Variants in ATRNL1 observed in about 807,000 individuals in gnomAD.
ATRNL1 encodes attractin-like protein 1.
In ATRNL1, 95 loss-of-function variants were observed where a neutral mutation model predicts 182.7. The observed-to-expected ratio is 0.52, with a 90% CI of 0.44 to 0.62. The LOEUF (loss-of-function observed/expected upper bound fraction) is 0.62, where lower values mean the gene tolerates loss of function less well. Ranked by LOEUF, ATRNL1 falls within the 20% of genes least tolerant of loss-of-function variation. The pLI is 0.00. For synonymous variants in ATRNL1, 576 were observed against 568.3 expected (o/e 1.01, Z -0.19); for missense variants, 1,471 against 1,679.5 (o/e 0.88, Z 2.17).
At chr10:115,547,312 A>G (rs1264917415) in intron 25 of ATRNL1, among the ~76,000 whole-genome samples, 3 of 151,282 alleles carry the variant, frequency 2.0e-5, no homozygotes, top group South Asian at 4.2e-4. Context: ...TGAATTAACT[A>G]GAAAGAGAAT....
chr10:115,592,611 G>C (rs1330772966), intron 26 of ATRNL1, among the ~76,000 whole-genome samples: 3 of 152,184 alleles, frequency 2.0e-5, no homozygotes, highest in African/African-American at 7.2e-5. Flanking sequence ...TTTCATGTAA[G>C]TGAACTCATA....
At chr10:115,779,150 G>A (rs534192447) in intron 27 of ATRNL1, among the ~76,000 whole-genome samples, 34 of 152,298 alleles carry the variant, frequency 2.2e-4, no homozygotes, top group African/African-American at 8.2e-4. Flanking sequence ...ACTTAAAGAA[G>A]CTTCAGAAAT....
intron 15 of ATRNL1, among the ~76,000 whole-genome samples, chr10:115,292,318 A>G (rs1852956211): frequency 6.6e-6 from 1 of 151,626 alleles, no homozygotes; most frequent in Non-Finnish European, 1.5e-5. Context: ...TGTGTCATTG[A>G]TCTTCTGTAT....
Position 115,421,171 on chromosome 10 carries a change from G to C in ATRNL1, c.3270-5079G>C, listed in dbSNP as rs1001239094. On this transcript the variant is annotated intron_variant, in intron 20 of 28. Coordinates refer to ENST00000355044, the MANE Select transcript of ATRNL1 (RefSeq NM_207303.4). ...AACTATTCCAAAAAATTGAAGTAGAGGGCATTCTTCCAAACTCATTCTATG... is the reference window on the plus strand; with the variant it reads ...AACTATTCCAAAAAATTGAAGTAGACGGCATTCTTCCAAACTCATTCTATG... Among the ~76,000 whole-genome samples the C allele has an allele frequency of 4.6e-5, 7 of 152,104 alleles. No homozygotes were observed. The East Asian group carries it at 5.8e-4, about 13-fold the overall frequency.
rs1946107143 is a variant in ATRNL1 at position 115,683,231 on chromosome 10, TA to T, written c.3796-44016del. On this transcript the variant is annotated intron_variant, in intron 26 of 28. Coordinates refer to ENST00000355044, the MANE Select transcript of ATRNL1 (RefSeq NM_207303.4). The stretch of plus-strand genomic sequence containing the variant: ...TTCCATATTAAAATATCTTTTCAAT[TA>T]TTTCATGGAATTCTGGACCAACAGA... 4.6e-5 allele frequency among the ~76,000 whole-genome samples: 7 copies of T among 152,206 alleles called. No individual in the cohort carries two copies. The South Asian group carries it at 1.5e-3, about 32-fold the overall frequency.
chr10:115,220,866 A>G (rs556783114), intron 9 of ATRNL1, among the ~76,000 whole-genome samples: 1 of 152,248 alleles, frequency 6.6e-6, no homozygotes, highest in South Asian at 2.1e-4. Flanking sequence ...TACCAGATGC[A>G]GCTTAATTAT....
At position 115,645,260 on chromosome 10, in the gene ATRNL1, T is replaced by C. The variant is rs539673713; in HGVS notation, c.3796-81988T>C. Among the ~76,000 whole-genome samples the C allele has an allele frequency of 1.6e-4, 24 of 148,268 alleles. 1 individual carries two copies. In the South Asian group the frequency reaches 5.0e-3, roughly 31 times the overall value. Reference sequence around the variant, plus strand: ...AATGGGAAACTGTATGGGATACTTCTGTTTAAGCCCATAACTCATTTTTTT... The same window carrying C: ...AATGGGAAACTGTATGGGATACTTCCGTTTAAGCCCATAACTCATTTTTTT... On this transcript the variant is annotated intron_variant, in intron 26 of 28. Transcript: ENST00000355044.
At chr10:115,341,041 ATCTT>A (rs1381451502) in intron 19 of ATRNL1, among the ~76,000 whole-genome samples, 1 of 150,562 alleles carries the variant, frequency 6.6e-6, no homozygotes, top group African/African-American at 2.4e-5. Flanking sequence ...TTCTGCTTTG[ATCTT>A]TCTTATTTTC....
intron 28 of ATRNL1, among the ~76,000 whole-genome samples, chr10:115,867,733 T>TTTC (rs1555105086): frequency 6.9e-6 from 1 of 144,082 alleles, no homozygotes; most frequent in East Asian, 2.0e-4. Flanking sequence ...CCTGTGAATT[T>TTTC]TTTTTTTTTT....
intron 27 of ATRNL1, among the ~76,000 whole-genome samples, chr10:115,761,798 A>G (rs1555073687): frequency 6.6e-6 from 1 of 152,166 alleles, no homozygotes; most frequent in Non-Finnish European, 1.5e-5. Context: ...CCTTAAATAA[A>G]ATCAGGCACA....
At chr10:115,801,786 C>T (rs1198084807) in intron 27 of ATRNL1, among the ~76,000 whole-genome samples, 2 of 151,970 alleles carry the variant, frequency 1.3e-5, no homozygotes, top group African/African-American at 2.4e-5. Flanking sequence ...TTTTCTTGTC[C>T]CTTTCAGAAA....
chr10:115,234,598 T>C (rs570475679), intron 9 of ATRNL1, among the ~76,000 whole-genome samples: 13 of 140,382 alleles, frequency 9.3e-5, no homozygotes, highest in African/African-American at 1.3e-4. Context: ...TTTTCTTTTT[T>C]TTTTTTTTTT....
At chr10:115,216,000 C>T (rs1354556218) in intron 9 of ATRNL1, 120 bp downstream of exon 9, 14 of 700,558 alleles carry the variant, frequency 2.0e-5, no homozygotes, top group East Asian at 1.0e-4. Flanking sequence ...ATGCTGATAT[C>T]GTCTTAATTT....
intron 8 of ATRNL1, among the ~76,000 whole-genome samples, chr10:115,178,305 C>A (rs1554887211): frequency 6.6e-6 from 1 of 151,990 alleles, no homozygotes; most frequent in East Asian, 1.9e-4. Context: ...GACAACAAGA[C>A]TTATATTCAA....
chr10:115,543,131 T>C (rs1293895500), intron 25 of ATRNL1, among the ~76,000 whole-genome samples: 1 of 152,152 alleles, frequency 6.6e-6, no homozygotes, highest in African/African-American at 2.4e-5. Context: ...AGTTAGGTTT[T>C]CTGTTACTTG....
At chr10:115,485,807 A>G (rs1413519161) in intron 24 of ATRNL1, among the ~76,000 whole-genome samples, 3 of 151,974 alleles carry the variant, frequency 2.0e-5, no homozygotes, top group Non-Finnish European at 2.9e-5. Flanking sequence ...GGTTTGTTAC[A>G]TAGGTATACA....
At chr10:115,814,126 C>T (rs1168683854) in intron 27 of ATRNL1, among the ~76,000 whole-genome samples, 2 of 152,112 alleles carry the variant, frequency 1.3e-5, no homozygotes, top group African/African-American at 4.8e-5. Flanking sequence ...CCTGACATCA[C>T]ATAAATGTAA....
chr10:115,362,351 C>T lies in ATRNL1; in HGVS notation c.3175+27932C>T, dbSNP rs537463865. ...TTTATTTTTCATATTTTTAATTGAC[C>T]AGTGAAAATTATGTATATTTATAAT... On this transcript the variant is annotated intron_variant, in intron 19 of 28. Coordinates refer to ENST00000355044, the MANE Select transcript of ATRNL1 (RefSeq NM_207303.4). Among the ~76,000 whole-genome samples the T allele has an allele frequency of 1.1e-4, 17 of 151,720 alleles. No individual in the cohort carries two copies. The East Asian group carries it at 3.1e-3, about 28-fold the overall frequency.
intron 10 of ATRNL1, among the ~76,000 whole-genome samples, chr10:115,256,736 C>G (rs1303662657): frequency 6.6e-6 from 1 of 152,050 alleles, no homozygotes; most frequent in Non-Finnish European, 1.5e-5. Context: ...TGTTGGGTGT[C>G]GATTTTAGAT....
Sources: gnomAD v4.1 joint callset for allele counts (sites outside exome capture counted in the v4.1 genomes callset) on GRCh38, gnomAD v4.1.1 for gene constraint, MANE v1.5 for transcripts, NCBI Gene and HGNC (gene_info 2026-07-23, HGNC 2026-07-21) for gene names.